TMEM132C: variants seen among roughly 807,000 people sequenced by gnomAD.
The protein encoded by TMEM132C is transmembrane protein 132C, also known as protein phosphatase 1, regulatory subunit 152.
Under a neutral mutation model 61.4 loss-of-function variants are expected in TMEM132C, and 29 were observed. The observed-to-expected ratio is 0.47, with a 90% CI of 0.35 to 0.64. TMEM132C has a LOEUF of 0.64. Ranked by LOEUF, TMEM132C falls within the 30% of genes least tolerant of loss-of-function variation. The pLI is 0.00. For missense variants in TMEM132C, 1,408 were observed against 1,476.9 expected, an observed-to-expected ratio of 0.95 and a Z score of 0.76; for synonymous variants, 656 against 633.1, an observed-to-expected ratio of 1.04 and a Z score of -0.54.
At chr12:128,609,163 A>ACTGTAACTCCCGCCTCCCTGCAACC (rs879574484) in intron 3 of TMEM132C, among the ~76,000 whole-genome samples, 3,567 of 36,066 alleles carry the variant, frequency 0.099, 568 homozygotes, top group Middle Eastern at 0.12. Context: ...TCCCTGCAAC[A>ACTGTAACTCCCGCCTCCCTGCAACC]CTGTAACCCC....
chr12:128,333,681 TGA>T (rs1388752462), intron 1 of TMEM132C, among the ~76,000 whole-genome samples: 3 of 150,840 alleles, frequency 2.0e-5, no homozygotes, highest in Admixed American at 6.6e-5. Context: ...TGTGTATGTG[TGA>T]GAGTGTGTGG....
chr12:128,270,559 G>C (rs977310523), intron 1 of TMEM132C, among the ~76,000 whole-genome samples: 3 of 152,164 alleles, frequency 2.0e-5, no homozygotes, highest in African/African-American at 7.2e-5. Context: ...AGGGATTTAC[G>C]TTCTATAGCA....
At chr12:128,458,197 G>A (rs1870409934) in intron 2 of TMEM132C, among the ~76,000 whole-genome samples, 1 of 147,118 alleles carries the variant, frequency 6.8e-6, no homozygotes, top group East Asian at 2.0e-4. Flanking sequence ...TTATATTTTA[G>A]TATTATAATT....
chr12:128,529,958 T>C (rs978931213), intron 2 of TMEM132C, among the ~76,000 whole-genome samples: 1 of 152,152 alleles, frequency 6.6e-6, no homozygotes, highest in Non-Finnish European at 1.5e-5. Context: ...GGCAAAATGA[T>C]GATATTTTAA....
intron 3 of TMEM132C, among the ~76,000 whole-genome samples, chr12:128,545,007 C>A (rs188435693): frequency 9.9e-5 from 15 of 152,240 alleles, no homozygotes; most frequent in Middle Eastern, 3.4e-3. Context: ...GGTACATGTG[C>A]AGGTTTGTTA....
intron 2 of TMEM132C, among the ~76,000 whole-genome samples, chr12:128,492,043 T>C (rs1871752362): frequency 6.6e-6 from 1 of 152,082 alleles, no homozygotes; most frequent in South Asian, 2.1e-4. Flanking sequence ...ATGTTCCCCT[T>C]CCTGTGTCCA....
chr12:128,329,932 C>T lies in TMEM132C; in HGVS notation c.85+62445C>T, dbSNP rs941738313. On this transcript the variant is annotated intron_variant, in intron 1 of 8. Transcript: ENST00000435159. ...TGTAAAATACGGCTGCGAGGAAGTT[C>T]GTGACAGCCTCGGTGCTAGATGCCT... Among the ~76,000 whole-genome samples the T allele has an allele frequency of 1.1e-4, 17 of 152,292 alleles. No homozygotes were observed. In the South Asian group the frequency reaches 2.5e-3, roughly 22 times the overall value.
Position 128,450,136 on chromosome 12 carries a change from T to C in TMEM132C, c.974+34516T>C, listed in dbSNP as rs939448888. Among the ~76,000 whole-genome samples, 5 of 152,350 alleles carry C rather than the reference T, an allele frequency of 3.3e-5. No homozygotes were observed. In the South Asian group the frequency reaches 1.0e-3, roughly 32 times the overall value. On this transcript the variant is annotated intron_variant, in intron 2 of 8. Coordinates refer to ENST00000435159, the MANE Select transcript of TMEM132C (RefSeq NM_001136103.3). ...TAGTCTATATCAGTGCTGCCTGGTA[T>C]AAGCAGTCACTTGCTGCAGGTAGTT...
intron 3 of TMEM132C, among the ~76,000 whole-genome samples, chr12:128,583,226 T>C (rs1875408538): frequency 6.6e-6 from 1 of 152,166 alleles, no homozygotes; most frequent in South Asian, 2.1e-4. Context: ...AATTCATTAA[T>C]AGGTATGACT....
At chr12:128,672,773 TG>T (rs1954545611) in intron 5 of TMEM132C, among the ~76,000 whole-genome samples, 1 of 152,136 alleles carries the variant, frequency 6.6e-6, no homozygotes, top group African/African-American at 2.4e-5. Flanking sequence ...GGAGAGAAGA[TG>T]GGGAGGGAAT....
At chr12:128,488,005 G>T (rs1367924768) in intron 2 of TMEM132C, among the ~76,000 whole-genome samples, 2 of 152,290 alleles carry the variant, frequency 1.3e-5, no homozygotes, top group South Asian at 4.1e-4. Flanking sequence ...CACACACAGT[G>T]GTGTCCTGAT....
At chr12:128,636,517 T>G (rs1191715080) in intron 4 of TMEM132C, among the ~76,000 whole-genome samples, 3 of 152,136 alleles carry the variant, frequency 2.0e-5, no homozygotes, top group Non-Finnish European at 4.4e-5. Flanking sequence ...AAAGTTTACT[T>G]ATGTCCTTTT....
chr12:128,632,383 T>G (rs564249708), intron 4 of TMEM132C, among the ~76,000 whole-genome samples: 1 of 152,358 alleles, frequency 6.6e-6, no homozygotes, highest in African/African-American at 2.4e-5. Flanking sequence ...ATTAATTAGC[T>G]CTTCCTCCAT....
chr12:128,359,426 A>G (rs146866073), intron 1 of TMEM132C, among the ~76,000 whole-genome samples: 1,747 of 152,286 alleles, frequency 0.011, 29 homozygotes, highest in African/African-American at 0.038. Flanking sequence ...CCATGATTCA[A>G]TTATCTCCAC....
intron 2 of TMEM132C, among the ~76,000 whole-genome samples, chr12:128,482,043 C>T (rs906105151): frequency 6.6e-6 from 1 of 152,088 alleles, no homozygotes; most frequent in African/African-American, 2.4e-5. Context: ...TCATAAGTAG[C>T]TCATATTATT....
intron 2 of TMEM132C, among the ~76,000 whole-genome samples, chr12:128,454,792 G>A (rs1175683277): frequency 2.6e-5 from 4 of 152,210 alleles, no homozygotes; most frequent in Non-Finnish European, 5.9e-5. Flanking sequence ...TGTGCAAACC[G>A]ATATTCACAG....
intron 1 of TMEM132C, among the ~76,000 whole-genome samples, chr12:128,320,215 G>A (rs988985161): frequency 2.0e-5 from 3 of 152,078 alleles, no homozygotes; most frequent in Admixed American, 6.5e-5. Context: ...TCAAGCTTCA[G>A]TGAAGTGTGA....
chr12:128,339,584 C>G (rs1618333), intron 1 of TMEM132C, among the ~76,000 whole-genome samples: 21,621 of 151,490 alleles, frequency 0.14, 3,340 homozygotes, highest in African/African-American at 0.39. Context: ...TCTTGGTGCT[C>G]TTTGTTGTCT....
intron 2 of TMEM132C, among the ~76,000 whole-genome samples, chr12:128,495,122 G>C (rs866324743): frequency 2.0e-5 from 3 of 150,062 alleles, no homozygotes; most frequent in Non-Finnish European, 3.0e-5. Flanking sequence ...TTCAGGAGCA[G>C]GTTGTTCAGT....
Sources: allele counts gnomAD v4.1 joint callset (sites outside exome capture counted in the v4.1 genomes callset), GRCh38; gene constraint gnomAD v4.1.1; transcripts MANE v1.5; gene names NCBI Gene and HGNC (gene_info 2026-07-23, HGNC 2026-07-21).